OSTM1: variants seen among roughly 807,000 people sequenced by gnomAD.
The protein encoded by OSTM1 is osteoclastogenesis associated transmembrane protein 1, also known as osteopetrosis-associated transmembrane protein 1.
Under a neutral mutation model 35.4 loss-of-function variants are expected in OSTM1, and 26 were observed. The ratio of observed to expected loss-of-function variants is 0.73; its 90% CI spans 0.54 to 1.02. The LOEUF (loss-of-function observed/expected upper bound fraction) is 1.02. Among genes scored for constraint, OSTM1 ranks in the 50% least tolerant of loss-of-function variants. The pLI is 0.00. For synonymous variants in OSTM1, 181 were observed against 165.0 expected (o/e 1.10, Z -0.75); for missense variants, 366 against 409.6 (o/e 0.89, Z 0.92).
chr6:108,048,126 T>C (rs1562369631), intron 5 of OSTM1, among the ~76,000 whole-genome samples: 1 of 152,182 alleles, frequency 6.6e-6, no homozygotes, highest in Non-Finnish European at 1.5e-5. Context: ...ACAAATTCAG[T>C]TCAAACTGAT....
chr6:108,049,455 TTTAAC>T (rs1562370190), intron 4 of OSTM1, 37 bp from the exon 5 acceptor site: 2 of 1,606,024 alleles, frequency 1.2e-6, no homozygotes, highest in Admixed American at 3.3e-5. Flanking sequence ...CTATTTTATA[TTTAAC>T]TTGTCTTCAA....
At position 108,074,406 on chromosome 6, in the gene OSTM1, A is replaced by T; in HGVS notation, c.246T>A (p.Pro82=). Residue 82 remains proline, a synonymous_variant, in exon 1 of 6, where the codon CCT becomes CCA. Transcript: ENST00000193322. ...AGTCCAGCAGGAGCTCCCGGCACTC[A>T]GGATCCAGATCCGGCAGGTCCGGGG... is the stretch of plus-strand genomic sequence containing the variant. ...SLPPDLPDLD[P]ECRELLLDFA... The T allele has an allele frequency of 6.4e-7, 1 of 1,572,820 alleles. No individual in the cohort carries two copies. Among genetic ancestry groups the T allele is most frequent in the Non-Finnish European group, 8.6e-7 (1 of 1,159,138 alleles).
intron 2 of OSTM1, among the ~76,000 whole-genome samples, chr6:108,063,165 A>C (rs1772312569): frequency 6.6e-6 from 1 of 151,960 alleles, no homozygotes; most frequent in South Asian, 2.1e-4. Flanking sequence ...GTCACACACC[A>C]CCATGTCCAT....
rs1478051800 is a variant in OSTM1 at position 108,042,412 on chromosome 6, T to C, written c.*2373A>G. On this transcript the variant is annotated 3_prime_UTR_variant, in exon 6 of 6. Coordinates refer to ENST00000193322, the MANE Select transcript of OSTM1 (RefSeq NM_014028.4). ...TTTAAGACAGACAGTACTTTCTTTT[T>C]TCTTTTTTTTTTTTTTTTTTTGAGA... is the stretch of plus-strand genomic sequence containing the variant. The C allele has an allele frequency of 3.9e-5, 5 of 126,652 alleles. No homozygotes were observed. Among genetic ancestry groups the C allele is most frequent in the Middle Eastern group, 3.6e-3 (1 of 276 alleles). 7.8% of individuals were successfully genotyped at this position (126,652 alleles called of 1,614,324 possible).
chr6:108,056,115 T>C (rs938789113), intron 2 of OSTM1, among the ~76,000 whole-genome samples: 1 of 152,200 alleles, frequency 6.6e-6, no homozygotes, highest in Non-Finnish European at 1.5e-5. Context: ...CAGACAACAA[T>C]TACTACAACG....
intron 5 of OSTM1, among the ~76,000 whole-genome samples, chr6:108,045,203 C>G (rs1363825826): frequency 1.3e-5 from 2 of 151,914 alleles, no homozygotes; most frequent in African/African-American, 4.8e-5. Context: ...GTTAGAAATC[C>G]AAATCTGAAT....
At chr6:108,073,786 G>A (rs1309233196) in intron 1 of OSTM1, 2 of 170,662 alleles carry the variant, frequency 1.2e-5, no homozygotes, top group Admixed American at 1.2e-4. Flanking sequence ...TTATAGAGGA[G>A]GAAACTAAGG....
chr6:108,051,047 A>G lies in OSTM1; in HGVS notation c.767T>C (p.Ile256Thr). 1.2e-6 allele frequency: 2 copies of G among 1,613,360 alleles called. No individual in the cohort carries two copies. Among genetic ancestry groups the G allele is most frequent in the Non-Finnish European group, 1.7e-6 (2 of 1,179,472 alleles). The change falls in exon 4 of 6, where the codon ATT (isoleucine) becomes ACT (threonine). Residue 256 changes from isoleucine (I) to threonine (T), a missense_variant. Physicochemically the swap from Ile to Thr is moderately conservative, Grantham distance 89. This residue lies in a region of OSTM1 where 125 missense variants were observed against 151.7 expected (regional missense o/e 0.82). Coordinates refer to ENST00000193322, the MANE Select transcript of OSTM1 (RefSeq NM_014028.4). ...AGTACTTACTGCATCTTCCACATCA[A>G]TGCATAAATGTGTTCCAGGTTCAGC... Reference protein sequence around the residue: ...NKAEPGTHLCIDVEDAMNITR... With the variant: ...NKAEPGTHLCTDVEDAMNITR...
intron 1 of OSTM1, among the ~76,000 whole-genome samples, chr6:108,065,715 C>A (rs1032894188): frequency 3.3e-5 from 5 of 152,186 alleles, no homozygotes; most frequent in African/African-American, 9.7e-5. Context: ...CTGTCTGGCA[C>A]ACAGTGACTG....
chr6:108,069,106 C>T (rs974335893), intron 1 of OSTM1, among the ~76,000 whole-genome samples: 2 of 152,200 alleles, frequency 1.3e-5, no homozygotes, highest in Non-Finnish European at 2.9e-5. Flanking sequence ...GATCAGCACT[C>T]TTGTCATATG....
chr6:108,059,784 A>C (rs1220176936), intron 2 of OSTM1, among the ~76,000 whole-genome samples: 1 of 152,164 alleles, frequency 6.6e-6, no homozygotes, highest in Non-Finnish European at 1.5e-5. Flanking sequence ...TGACTAGGTC[A>C]TGAGGGTTCC....
chr6:108,069,248 G>C (rs1381702207), intron 1 of OSTM1, among the ~76,000 whole-genome samples: 1 of 152,110 alleles, frequency 6.6e-6, no homozygotes, highest in African/African-American at 2.4e-5. Context: ...ATCCCTAGTA[G>C]CTACCACAAC....
rs764243951 is a variant in OSTM1, at chr6:108,074,481, G to A, written c.171C>T (p.Asp57=). ...CACCCTGCAGGAGGGACAGGGACAA[G>A]TCCTCCACCTCCAGCAACTGCTGCT... ...LSEQQLLEVE[D]LSLSLLQGGG... is the part of the protein sequence containing the mutation. Residue 57 remains aspartate, a synonymous_variant, in exon 1 of 6, where the codon GAC becomes GAT. Coordinates refer to ENST00000193322, the MANE Select transcript of OSTM1 (RefSeq NM_014028.4). 8 of 1,557,990 alleles carry A rather than the reference G, an allele frequency of 5.1e-6. No homozygotes were observed. The highest frequency in any genetic ancestry group is 6.1e-6 in the Non-Finnish European group (7 of 1,151,556).
At chr6:108,049,997 C>T (rs1772046971) in intron 4 of OSTM1, among the ~76,000 whole-genome samples, 1 of 152,188 alleles carries the variant, frequency 6.6e-6, no homozygotes, top group South Asian at 2.1e-4. Flanking sequence ...TCAGTTTCCT[C>T]TAATGCCCCA....
chr6:108,054,442 C>A, intron 3 of OSTM1, 48 bp downstream of exon 3: 1 of 846,090 alleles, frequency 1.2e-6, no homozygotes, highest in South Asian at 1.6e-5. Context: ...GCACATTATT[C>A]CTTTGTACAA....
chr6:108,062,292 TA>T (rs1772288321), intron 2 of OSTM1, among the ~76,000 whole-genome samples: 1 of 152,142 alleles, frequency 6.6e-6, no homozygotes. Flanking sequence ...ATCTACAGTA[TA>T]GATATGCTGC....
intron 2 of OSTM1, among the ~76,000 whole-genome samples, chr6:108,057,945 G>C (rs540659204): frequency 4.6e-5 from 7 of 151,742 alleles, no homozygotes; most frequent in South Asian, 4.2e-4. Flanking sequence ...TGGTCATTAT[G>C]AATTTCCTTC....
At chr6:108,056,176 C>T (rs553237547) in intron 2 of OSTM1, among the ~76,000 whole-genome samples, 4 of 152,214 alleles carry the variant, frequency 2.6e-5, no homozygotes, top group Non-Finnish European at 5.9e-5. Context: ...TATGCTTACA[C>T]TGCACTTTAA....
rs1014702202 is a variant in OSTM1 at position 108,042,169 on chromosome 6, T to C, written c.*2616A>G. The C allele has an allele frequency of 2.7e-5, 4 of 150,298 alleles. No homozygotes were observed. Among genetic ancestry groups the C allele is most frequent in the Non-Finnish European group, 3.0e-5 (2 of 67,768 alleles). 9.3% of individuals were successfully genotyped at this position (150,298 alleles called of 1,614,324 possible). On this transcript the variant is annotated 3_prime_UTR_variant, in exon 6 of 6. Transcript: ENST00000193322. ...GATGTTCAGCCAGGTGTGGTGCTTA[T>C]GCTTGTAATCCCAGCACTTTGGGAG... is the stretch of plus-strand genomic sequence containing the variant.
Sources: gnomAD v4.1 joint callset for allele counts (sites outside exome capture counted in the v4.1 genomes callset) on GRCh38, gnomAD v4.1.1 for gene constraint, gnomAD v4.1.1 regional missense constraint, MANE v1.5 for transcripts, NCBI Gene and HGNC (gene_info 2026-07-23, HGNC 2026-07-21) for gene names.